The following RAI1 variants were observed in gnomAD, a reference collection of about 807,000 sequenced individuals.
The protein encoded by RAI1 is retinoic acid induced 1.
A neutral mutation model predicts 123.8 loss-of-function variants in RAI1; 9 were observed. The observed-to-expected ratio is 0.07, with a 90% CI of 0.04 to 0.13. RAI1 has a LOEUF of 0.13. Ranked by LOEUF, RAI1 falls within the 10% of genes least tolerant of loss-of-function variation. RAI1 has a pLI of 1.00. For synonymous variants in RAI1, 1,231 were observed against 1,127.3 expected (o/e 1.09, Z -1.84); for missense variants, 2,256 against 2,545.8 (o/e 0.89, Z 2.45).
intron 2 of RAI1, among the ~76,000 whole-genome samples, chr17:17,724,406 C>T (rs1488989143): frequency 1.5e-4 from 16 of 103,742 alleles, no homozygotes; most frequent in South Asian, 6.3e-4. Context: ...TCTTTCTTTC[C>T]TTTTTTTTTT....
intron 1 of RAI1, among the ~76,000 whole-genome samples, chr17:17,715,724 CCCCGG>C (rs1391646510): frequency 1.3e-5 from 2 of 152,146 alleles, no homozygotes; most frequent in Non-Finnish European, 2.9e-5. Flanking sequence ...TTCAGATGCC[CCCCGG>C]AAAGGGCTTT....
At chr17:17,737,610 TC>T (rs1018888231) in intron 2 of RAI1, among the ~76,000 whole-genome samples, 3 of 152,148 alleles carry the variant, frequency 2.0e-5, no homozygotes, top group Non-Finnish European at 4.4e-5. Flanking sequence ...TGAGGCTTGC[TC>T]CCCAGCCCCC....
intron 1 of RAI1, among the ~76,000 whole-genome samples, chr17:17,705,049 A>G (rs915133877): frequency 6.6e-6 from 1 of 152,134 alleles, no homozygotes; most frequent in Non-Finnish European, 1.5e-5. Context: ...ACCCCAGTGG[A>G]TGGTAGTGTG....
At chr17:17,803,677 C>T in intron 3 of RAI1, 79 bp from the exon 4 acceptor site, 1 of 1,351,104 alleles carries the variant, frequency 7.4e-7, no homozygotes, top group Non-Finnish European at 1.1e-6. Flanking sequence ...TGAGCCACTG[C>T]ACCTGGCCTA....
In RAI1 at chr17:17,804,611, A is replaced by G. The variant is rs968365936; in HGVS notation, c.5659+762A>G. On this transcript the variant is annotated intron_variant, in intron 4 of 5. Transcript: ENST00000353383. ...TGGGGACAACAATATTTTGGGAGAT[A>G]TGGGGCCAACTTTGGCCTGGATTCA... 6.0e-5 allele frequency among the ~76,000 whole-genome samples: 9 copies of G among 149,736 alleles called. 1 individual carries two copies. Among genetic ancestry groups the G allele is most frequent in the Admixed American group, 5.3e-4 (8 of 15,018 alleles).
At chr17:17,732,534 T>A (rs1328069770) in intron 2 of RAI1, among the ~76,000 whole-genome samples, 2 of 152,194 alleles carry the variant, frequency 1.3e-5, no homozygotes. Flanking sequence ...TGTGTTCTCC[T>A]GGGGTTTGCA....
chr17:17,734,080 CAG>C lies in RAI1; in HGVS notation c.-17+9922_-17+9923del, dbSNP rs370819155. ...GCAGAGAGAAAATGAGCATCCAGGA[CAG>C]GGGGAGAGATTGAGGAGGATGCCTG... On this transcript the variant is annotated intron_variant, in intron 2 of 5. Transcript: ENST00000353383. Among the ~76,000 whole-genome samples, 155 of 152,218 alleles carry C rather than the reference CAG, an allele frequency of 1.0e-3. 1 individual carries two copies. The highest frequency in any genetic ancestry group is 3.5e-3 in the African/African-American group (147 of 41,528).
Position 17,795,099 on chromosome 17 carries a change from T to C in RAI1, c.2151T>C (p.Pro717=). The change falls in exon 3 of 6, where the codon CCT becomes CCC. Residue 717 remains proline (P), a synonymous_variant. Transcript: ENST00000353383. This position sits in a 1 kb window ranked among gnomAD's most constrained non-coding sequence, Gnocchi z 5.9. ...GTACCAAGCCCACCCTTGGGGTTCC[T>C]GCTCCAGACCCCACTACAGCAGCTT... ...SFGTKPTLGV[P]APDPTTAAFD... The C allele has an allele frequency of 6.2e-7, 1 of 1,614,116 alleles. No homozygotes were observed. The highest frequency in any genetic ancestry group is 1.1e-5 in the South Asian group (1 of 91,088).
chr17:17,796,994 C>T lies in RAI1; in HGVS notation c.4046C>T (p.Pro1349Leu), dbSNP rs757232314. The T allele has an allele frequency of 1.9e-6, 3 of 1,613,718 alleles. No individual in the cohort carries two copies. Among genetic ancestry groups the T allele is most frequent in the Admixed American group, 1.7e-5 (1 of 60,014 alleles). Residue 1349 changes from proline to leucine, a missense_variant, in exon 3 of 6, where the codon CCA becomes CTA. Physicochemically the swap from Pro to Leu is moderately conservative, Grantham distance 98. Around this residue, in one of 7 missense-constraint regions of RAI1, gnomAD observed 322 missense variants for 358.0 expected, o/e 0.90. Coordinates refer to ENST00000353383, the MANE Select transcript of RAI1 (RefSeq NM_030665.4). This position sits in a 1 kb window ranked among gnomAD's most constrained non-coding sequence, Gnocchi z 5.8. Reference sequence around the variant, plus strand: ...CTCAAGAAGTTCGCATGTAAAGCGCCAGGGGCCTCTCCTGGTAATCCTCTG... The same window carrying T: ...CTCAAGAAGTTCGCATGTAAAGCGCTAGGGGCCTCTCCTGGTAATCCTCTG... ...PSLKKFACKA[P>L]GASPGNPLSP...
At position 17,796,075 on chromosome 17, in the gene RAI1, G is replaced by A. The variant is rs1400397185; in HGVS notation, c.3127G>A (p.Ala1043Thr). The part of the protein sequence containing the change: ...PPQGQMEGAG[A>T]PGRGASEGLP... ...CCAGGGACAGATGGAAGGGGCTGGAGCCCCAGGCCGGGGGGCCTCGGAAGG... is the reference window on the plus strand; with the variant it reads ...CCAGGGACAGATGGAAGGGGCTGGAACCCCAGGCCGGGGGGCCTCGGAAGG... Residue 1043 changes from alanine to threonine, a missense_variant, in exon 3 of 6, where the codon GCC becomes ACC. Physicochemically the swap from Ala to Thr is moderately conservative, Grantham distance 58. Coordinates refer to ENST00000353383, the MANE Select transcript of RAI1 (RefSeq NM_030665.4). The surrounding 1 kb of genome is among the most constrained non-coding windows in gnomAD (Gnocchi z 5.8). 5 of 1,580,388 alleles carry A rather than the reference G, an allele frequency of 3.2e-6. No homozygotes were observed. In the Admixed American group the frequency reaches 9.1e-5, roughly 29 times the overall value.
intron 1 of RAI1, among the ~76,000 whole-genome samples, chr17:17,696,423 G>A (rs1272854971): frequency 1.3e-5 from 2 of 152,084 alleles, no homozygotes; most frequent in African/African-American, 4.8e-5. Flanking sequence ...CCGTTCATGG[G>A]GTTTTTCGCT....
chr17:17,724,704 G>T (rs921272531), intron 2 of RAI1, among the ~76,000 whole-genome samples: 1 of 152,160 alleles, frequency 6.6e-6, no homozygotes, highest in Non-Finnish European at 1.5e-5. Flanking sequence ...CCGAGAGCGC[G>T]GCCTCCCTGG....
At chr17:17,728,712 CTTG>C (rs1916171898) in intron 2 of RAI1, among the ~76,000 whole-genome samples, 1 of 152,220 alleles carries the variant, frequency 6.6e-6, no homozygotes, top group Non-Finnish European at 1.5e-5. Context: ...AGGCACTGAG[CTTG>C]TTGTTTGCAC....
intron 4 of RAI1, chr17:17,804,231 C>T (rs1397093814): frequency 1.2e-5 from 4 of 326,120 alleles, no homozygotes; most frequent in African/African-American, 8.9e-5. Context: ...TCAGCAGAGA[C>T]AAGGGGAAAG....
chr17:17,799,098 C>T lies in RAI1; in HGVS notation c.5565+585C>T, dbSNP rs2032372522. 1.3e-5 allele frequency among the ~76,000 whole-genome samples: 2 copies of T among 152,204 alleles called. No homozygotes were observed. The highest frequency in any genetic ancestry group is 6.5e-5 in the Admixed American group (1 of 15,290). ...AGGGCGGGGCAGATCCAGACCCTCT[C>T]ACCATTGGCTCTGAGACCAGCTTTG... On this transcript the variant is annotated intron_variant, in intron 3 of 5. Coordinates refer to ENST00000353383, the MANE Select transcript of RAI1 (RefSeq NM_030665.4). This position sits in a 1 kb window ranked among gnomAD's most constrained non-coding sequence, Gnocchi z 4.5.
intron 2 of RAI1, among the ~76,000 whole-genome samples, chr17:17,738,121 A>C (rs966880295): frequency 1.3e-5 from 2 of 151,490 alleles, no homozygotes; most frequent in African/African-American, 2.4e-5. Flanking sequence ...CTGAGCACTC[A>C]GTATGGCCTG....
chr17:17,750,551 G>A lies in RAI1; in HGVS notation c.-17+26392G>A, dbSNP rs550901472. Among the ~76,000 whole-genome samples, 1,272 of 151,974 alleles carry A rather than the reference G, an allele frequency of 8.4e-3. 7 individuals are homozygous for A. The highest frequency in any genetic ancestry group is 0.028 in the African/African-American group (1,165 of 41,440). On this transcript the variant is annotated intron_variant, in intron 2 of 5. Coordinates refer to ENST00000353383, the MANE Select transcript of RAI1 (RefSeq NM_030665.4). The stretch of plus-strand genomic sequence containing the variant: ...AGCCTAACCAACATGGAGAAACCTT[G>A]TCTCTACTAAAAATACAAAATTAGC...
chr17:17,691,050 G>T (rs1003194481), intron 1 of RAI1, among the ~76,000 whole-genome samples: 2 of 152,232 alleles, frequency 1.3e-5, no homozygotes, highest in African/African-American at 4.8e-5. Context: ...ATCATGATGA[G>T]AGGTAAAATA....
At chr17:17,684,704 A>ATATGTATGTATG (rs1555552020) in intron 1 of RAI1, 2 of 119,550 alleles carry the variant, frequency 1.7e-5, no homozygotes, top group East Asian at 2.8e-4. Context: ...ATATATATAT[A>ATATGTATGTATG]TATGTATGTA....
Sources: gnomAD v4.1 joint callset for allele counts (sites outside exome capture counted in the v4.1 genomes callset) on GRCh38, gnomAD v4.1.1 for gene constraint, gnomAD v4.1.1 regional missense constraint, Gnocchi (gnomAD v3.1) non-coding constraint, MANE v1.5 for transcripts, NCBI Gene and HGNC (gene_info 2026-07-23, HGNC 2026-07-21) for gene names.